The following DDC variants were observed in gnomAD, a reference collection of about 807,000 sequenced individuals.
DDC encodes the protein aromatic-L-amino-acid decarboxylase.
DDC carries 43 observed loss-of-function variants against 60.0 expected under a neutral mutation model. That is an observed-to-expected ratio of 0.72 (90% CI 0.56 to 0.92). The LOEUF (loss-of-function observed/expected upper bound fraction) is 0.92, where lower values mean the gene tolerates loss of function less well. Ranked by LOEUF, DDC falls within the 40% of genes least tolerant of loss-of-function variation. The probability of loss-of-function intolerance (pLI) is 0.00; values close to 1 mark genes in which losing one functional copy is unlikely to be tolerated. For missense variants in DDC, 573 were observed against 620.2 expected, an observed-to-expected ratio of 0.92 and a Z score of 0.81; for synonymous variants, 232 against 234.6, an observed-to-expected ratio of 0.99 and a Z score of 0.10.
At chr7:50,469,140 T>C (rs1310991664) in intron 12 of DDC, among the ~76,000 whole-genome samples, 1 of 150,760 alleles carries the variant, frequency 6.6e-6, no homozygotes, top group Admixed American at 6.6e-5. Context: ...GAGACAAGGT[T>C]TCACTATGTT....
At chr7:50,468,369 G>C (rs2042447973) in intron 12 of DDC, among the ~76,000 whole-genome samples, 1 of 152,220 alleles carries the variant, frequency 6.6e-6, no homozygotes, top group South Asian at 2.1e-4. Context: ...ATCATAACTA[G>C]TTGTCCTTGA....
At chr7:50,466,922 G>A (rs11575525) in intron 13 of DDC, among the ~76,000 whole-genome samples, 1,737 of 152,368 alleles carry the variant, frequency 0.011, 39 homozygotes, top group African/African-American at 0.04. Context: ...AGGGCCAGTG[G>A]CAGAGGTGTG....
intron 1 of DDC, 111 bp from the exon 2 acceptor site, chr7:50,544,224 G>A: frequency 1.3e-6 from 1 of 799,836 alleles, no homozygotes; most frequent in South Asian, 1.4e-5. Flanking sequence ...GCATGCCCTG[G>A]AGGCCACTTG....
chr7:50,482,878 C>G (rs1043521154), intron 9 of DDC, among the ~76,000 whole-genome samples: 23 of 152,174 alleles, frequency 1.5e-4, no homozygotes, highest in Admixed American at 1.3e-4. Context: ...GTTAGTGTAT[C>G]TAGACATCTT....
At chr7:50,484,340 C>T (rs987830563) in intron 9 of DDC, among the ~76,000 whole-genome samples, 4 of 152,114 alleles carry the variant, frequency 2.6e-5, no homozygotes, top group African/African-American at 9.7e-5. Context: ...TATTTTGTTG[C>T]TGCTTTCTAG....
chr7:50,475,981 C>T (rs1315799694), intron 11 of DDC, among the ~76,000 whole-genome samples: 1 of 152,146 alleles, frequency 6.6e-6, no homozygotes, highest in Non-Finnish European at 1.5e-5. Context: ...TGAGCCACAG[C>T]ACCTGGCCAC....
intron 8 of DDC, among the ~76,000 whole-genome samples, chr7:50,495,916 C>T (rs1259083195): frequency 6.6e-6 from 1 of 152,168 alleles, no homozygotes; most frequent in Non-Finnish European, 1.5e-5. Context: ...CTTCCACTTG[C>T]TGAGCTAGCA....
At chr7:50,503,691 G>A (rs1456788521) in intron 7 of DDC, among the ~76,000 whole-genome samples, 1 of 152,228 alleles carries the variant, frequency 6.6e-6, no homozygotes, top group Non-Finnish European at 1.5e-5. Flanking sequence ...ATTTTGAAGA[G>A]TTTATTCTCC....
chr7:50,506,907 G>C (rs148503775), intron 6 of DDC, among the ~76,000 whole-genome samples: 22 of 152,298 alleles, frequency 1.4e-4, no homozygotes, highest in African/African-American at 5.1e-4. Flanking sequence ...CTCCGCATTT[G>C]TTTCATTTTG....
At chr7:50,551,591 G>T (rs1020199314) in intron 1 of DDC, among the ~76,000 whole-genome samples, 2 of 152,048 alleles carry the variant, frequency 1.3e-5, no homozygotes, top group African/African-American at 4.8e-5. Flanking sequence ...TTGCCATTTG[G>T]ATTACTTTTT....
At chr7:50,462,768 G>GTTTTTTTTTTTTTTTTTTTTTTTTT (rs11302809) in intron 14 of DDC, among the ~76,000 whole-genome samples, 10 of 98,364 alleles carry the variant, frequency 1.0e-4, no homozygotes, top group African/African-American at 2.7e-4. Context: ...TCTTCTTCTT[G>GTTTTTTTTTTTTTTTTTTTTTTTTT]TTTTTTTTTT....
At chr7:50,499,833 G>C (rs1346515089) in intron 7 of DDC, among the ~76,000 whole-genome samples, 1 of 152,200 alleles carries the variant, frequency 6.6e-6, no homozygotes, top group Non-Finnish European at 1.5e-5. Context: ...GGAGCTGGGA[G>C]AGCCACAGAT....
Position 50,504,068 on chromosome 7 carries a change from T to TA in DDC, c.715-10dup. On this transcript the variant is annotated splice_polypyrimidine_tract_variant and intron_variant, in intron 6 of 14. Coordinates refer to ENST00000444124, the MANE Select transcript of DDC (RefSeq NM_001082971.2). Reference sequence around the variant, plus strand: ...CCCAGGGTGGCAACCATCTAGAGGGTAAAAAGCAGACAGCCTTTTATTCCC... The same window carrying TA: ...CCCAGGGTGGCAACCATCTAGAGGGTAAAAAAGCAGACAGCCTTTTATTCCC... The TA allele has an allele frequency of 1.2e-6, 2 of 1,609,034 alleles. No individual in the cohort carries two copies. Among genetic ancestry groups the TA allele is most frequent in the South Asian group, 1.1e-5 (1 of 90,978 alleles).
chr7:50,538,097 A>C, intron 3 of DDC, 118 bp from the exon 4 acceptor site: 9 of 1,286,098 alleles, frequency 7.0e-6, no homozygotes, highest in South Asian at 1.2e-5. Flanking sequence ...ACCCAATCTC[A>C]GATGTGATTC....
At chr7:50,555,682 C>T (rs956208053) in intron 1 of DDC, among the ~76,000 whole-genome samples, 3 of 152,140 alleles carry the variant, frequency 2.0e-5, no homozygotes, top group Non-Finnish European at 2.9e-5. Flanking sequence ...GTGCCAAGAA[C>T]CACGTTAAGC....
intron 1 of DDC, among the ~76,000 whole-genome samples, chr7:50,559,920 G>A (rs11575277): frequency 3.4e-4 from 52 of 152,314 alleles, no homozygotes; most frequent in African/African-American, 1.2e-3. Flanking sequence ...AGTTAAGGGG[G>A]ATTTATTTTA....
At chr7:50,557,696 C>T (rs990174904) in intron 1 of DDC, among the ~76,000 whole-genome samples, 1 of 152,172 alleles carries the variant, frequency 6.6e-6, no homozygotes, top group South Asian at 2.1e-4. Context: ...TGGGCAGCAC[C>T]GTCATGAGTA....
intron 12 of DDC, among the ~76,000 whole-genome samples, chr7:50,469,751 G>T (rs2042486557): frequency 6.6e-6 from 1 of 152,178 alleles, no homozygotes; most frequent in African/African-American, 2.4e-5. Flanking sequence ...GGCTGAGGTG[G>T]GTGGATCACC....
chr7:50,551,246 T>G (rs1423442420), intron 1 of DDC, among the ~76,000 whole-genome samples: 3 of 143,208 alleles, frequency 2.1e-5, no homozygotes, highest in Non-Finnish European at 4.6e-5. Flanking sequence ...TTTTTTTTTT[T>G]TTGAGACGGG....
Sources: gnomAD v4.1 joint callset for allele counts (sites outside exome capture counted in the v4.1 genomes callset) on GRCh38, gnomAD v4.1.1 for gene constraint, MANE v1.5 for transcripts, NCBI Gene and HGNC (gene_info 2026-07-23, HGNC 2026-07-21) for gene names.